The following RGS7 variants were observed in gnomAD, a reference collection of about 807,000 sequenced individuals.
RGS7 encodes the protein regulator of G-protein signaling 7.
A neutral mutation model predicts 81.1 loss-of-function variants in RGS7; 27 were observed. The ratio of observed to expected loss-of-function variants is 0.33; its 90% CI spans 0.25 to 0.46. RGS7 has a LOEUF of 0.46. Among genes scored for constraint, RGS7 ranks in the 20% least tolerant of loss-of-function variants. The pLI is 1.00. For missense variants in RGS7, 396 were observed against 607.4 expected (o/e 0.65, Z 3.66); for synonymous variants, 208 against 207.7 (o/e 1.00, Z -0.01).
intron 15 of RGS7, among the ~76,000 whole-genome samples, chr1:240,803,666 T>C (rs1428150035): frequency 6.8e-6 from 1 of 146,234 alleles, no homozygotes; most frequent in African/African-American, 2.5e-5. Context: ...GATAGACAAG[T>C]CAAAAAAAAA....
intron 4 of RGS7, among the ~76,000 whole-genome samples, chr1:240,970,462 C>T (rs968654193): frequency 6.6e-6 from 1 of 152,104 alleles, no homozygotes; most frequent in Non-Finnish European, 1.5e-5. Context: ...AAACGCAACA[C>T]CAAAAACAAA....
intron 9 of RGS7, among the ~76,000 whole-genome samples, chr1:240,866,259 C>G (rs1416634932): frequency 2.0e-5 from 3 of 152,190 alleles, no homozygotes; most frequent in African/African-American, 7.2e-5. Context: ...CGCCTGTAAT[C>G]CCAGCACTTT....
At chr1:241,122,951 A>C (rs2066392844) in intron 2 of RGS7, among the ~76,000 whole-genome samples, 1 of 152,224 alleles carries the variant, frequency 6.6e-6, no homozygotes, top group African/African-American at 2.4e-5. Context: ...AACCACATTA[A>C]GTTGGGGACC....
At chr1:241,151,125 A>C (rs2068717324) in intron 2 of RGS7, among the ~76,000 whole-genome samples, 1 of 152,192 alleles carries the variant, frequency 6.6e-6, no homozygotes, top group Non-Finnish European at 1.5e-5. Flanking sequence ...CGCACATGCT[A>C]GTCTCCTGCA....
At chr1:240,947,979 C>T (rs575340749) in intron 4 of RGS7, among the ~76,000 whole-genome samples, 2 of 152,260 alleles carry the variant, frequency 1.3e-5, no homozygotes, top group East Asian at 3.9e-4. Flanking sequence ...GGCTCTCTGC[C>T]TGGAATGCTC....
chr1:241,245,765 C>A (rs1293250846), intron 2 of RGS7, among the ~76,000 whole-genome samples: 1 of 151,534 alleles, frequency 6.6e-6, no homozygotes, highest in African/African-American at 2.4e-5. Flanking sequence ...TGAGATGGTG[C>A]CACTGCACTC....
At chr1:241,231,032 G>A (rs1043713760) in intron 2 of RGS7, among the ~76,000 whole-genome samples, 2 of 152,104 alleles carry the variant, frequency 1.3e-5, no homozygotes, top group African/African-American at 4.8e-5. Context: ...CCCTTGACTA[G>A]TCTAGAAATC....
intron 3 of RGS7, among the ~76,000 whole-genome samples, chr1:241,058,682 T>G (rs2061594627): frequency 1.3e-5 from 2 of 152,216 alleles, no homozygotes; most frequent in Admixed American, 6.5e-5. Flanking sequence ...ACTACTTAAG[T>G]GTAAAGACGA....
At chr1:240,977,508 G>A (rs188367432) in intron 4 of RGS7, among the ~76,000 whole-genome samples, 1 of 152,242 alleles carries the variant, frequency 6.6e-6, no homozygotes, top group East Asian at 1.9e-4. Flanking sequence ...TTGACATGAT[G>A]GCAACATGAA....
rs73127592 is a variant in RGS7 at position 241,117,769 on chromosome 1, C to T, written c.79-19007G>A. ...AGTAAAGCTGCAATATATTTCTTAT[C>T]GGATTAATCTAAGATCAGTGTGGAG... On this transcript the variant is annotated intron_variant, in intron 2 of 18. Coordinates refer to ENST00000440928, the MANE Select transcript of RGS7 (RefSeq NM_001364886.1). 5.0e-3 allele frequency among the ~76,000 whole-genome samples: 757 copies of T among 152,228 alleles called. 4 individuals carry two copies. The highest frequency in any genetic ancestry group is 0.017 in the African/African-American group (707 of 41,542).
chr1:241,193,026 G>A (rs1003710928), intron 2 of RGS7, among the ~76,000 whole-genome samples: 1 of 152,132 alleles, frequency 6.6e-6, no homozygotes, highest in African/African-American at 2.4e-5. Context: ...CTATAATAAT[G>A]GGCAGGTTCT....
chr1:240,888,158 G>A (rs1667692391), intron 6 of RGS7, among the ~76,000 whole-genome samples: 2 of 152,178 alleles, frequency 1.3e-5, no homozygotes, highest in African/African-American at 4.8e-5. Flanking sequence ...ACCCGCACAG[G>A]TGATGTCCCT....
chr1:241,332,939 C>T (rs1453490647), intron 2 of RGS7, among the ~76,000 whole-genome samples: 3 of 152,186 alleles, frequency 2.0e-5, no homozygotes, highest in African/African-American at 7.2e-5. Flanking sequence ...TTTTCCCTGC[C>T]ACCTGCAAGG....
chr1:240,827,884 A>C (rs946660906), intron 9 of RGS7, among the ~76,000 whole-genome samples: 2 of 150,254 alleles, frequency 1.3e-5, no homozygotes, highest in South Asian at 2.1e-4. Flanking sequence ...AAAAAAAAAA[A>C]AAAACAGGCT....
At chr1:240,869,998 G>T in intron 7 of RGS7, 57 bp downstream of exon 7, 1 of 1,344,458 alleles carries the variant, frequency 7.4e-7, no homozygotes. Flanking sequence ...AAAAGGCTGT[G>T]GGCCTTACTG....
chr1:241,203,024 T>C (rs987861470), intron 2 of RGS7, among the ~76,000 whole-genome samples: 4 of 152,124 alleles, frequency 2.6e-5, no homozygotes, highest in African/African-American at 7.2e-5. Context: ...GCACTAAAAA[T>C]AGAAGGAATC....
chr1:240,968,821 A>G (rs577344100), intron 4 of RGS7, among the ~76,000 whole-genome samples: 1 of 152,278 alleles, frequency 6.6e-6, no homozygotes, highest in African/African-American at 2.4e-5. Flanking sequence ...TGTAGTTAGC[A>G]TCTCCTATCA....
chr1:241,080,884 T>C (rs1558687742), intron 3 of RGS7, among the ~76,000 whole-genome samples: 1 of 152,224 alleles, frequency 6.6e-6, no homozygotes, highest in African/African-American at 2.4e-5. Context: ...GAAGTCTGCC[T>C]GAAGACTGGA....
At chr1:241,304,025 C>A (rs1438482333) in intron 2 of RGS7, among the ~76,000 whole-genome samples, 1 of 152,166 alleles carries the variant, frequency 6.6e-6, no homozygotes, top group Non-Finnish European at 1.5e-5. Context: ...ATCACTTATT[C>A]TTCATTTACT....
Sources: gnomAD v4.1 joint callset for allele counts (sites outside exome capture counted in the v4.1 genomes callset) on GRCh38, gnomAD v4.1.1 for gene constraint, MANE v1.5 for transcripts, NCBI Gene and HGNC (gene_info 2026-07-23, HGNC 2026-07-21) for gene names.